Variants in HERPUD2 observed in about 807,000 individuals in gnomAD.
The protein encoded by HERPUD2 is homocysteine-responsive endoplasmic reticulum-resident ubiquitin-like domain member 2 protein.
In HERPUD2, 13 loss-of-function variants were observed where a neutral mutation model predicts 49.9. The observed-to-expected ratio is 0.26, with a 90% CI of 0.17 to 0.41. The LOEUF is 0.41. Among genes scored for constraint, HERPUD2 ranks in the 10% least tolerant of loss-of-function variants. The pLI, the probability that HERPUD2 is intolerant of heterozygous loss-of-function variation, is 1.00. For synonymous variants in HERPUD2, 172 were observed against 171.4 expected (o/e 1.00, Z -0.03); for missense variants, 449 against 492.2 (o/e 0.91, Z 0.83).
chr7:35,654,200 G>C (rs1290058409), intron 5 of HERPUD2, among the ~76,000 whole-genome samples: 1 of 149,604 alleles, frequency 6.7e-6, no homozygotes, highest in Non-Finnish European at 1.5e-5. Flanking sequence ...AATTAGTAGA[G>C]GGAAAGAAAT....
chr7:35,670,126 GT>G, intron 4 of HERPUD2, 88 bp downstream of exon 4: 1 of 556,730 alleles, frequency 1.8e-6, no homozygotes, highest in Non-Finnish European at 3.1e-6. Flanking sequence ...CAATTGTTCT[GT>G]TTTTCATTTA....
rs1786294939 is a variant in HERPUD2, at chr7:35,695,129, TG to T, written c.-627del. On this transcript the variant is annotated 5_prime_UTR_variant, in exon 1 of 9. Transcript: ENST00000311350. ...TGCGCCACCGCTGGCGCGCCGGTTT[TG>T]TTGTTATTGCGAGGATTGTCTGGGG... 1 of 152,388 alleles carries T rather than the reference TG, an allele frequency of 6.6e-6. No individual in the cohort carries two copies. The highest frequency in any genetic ancestry group is 6.5e-5 in the Admixed American group (1 of 15,288). The allele number at this position is 152,388 out of a possible 1,614,324, so 9.4% of individuals were successfully genotyped here. A position where few individuals can be genotyped will look rare whatever the true frequency, so the allele number is the denominator to read the frequency against.
intron 2 of HERPUD2, among the ~76,000 whole-genome samples, chr7:35,681,147 G>A (rs770491884): frequency 1.3e-5 from 2 of 152,130 alleles, no homozygotes; most frequent in Non-Finnish European, 2.9e-5. Flanking sequence ...TTATGATAAA[G>A]AAGCAATCAT....
intron 5 of HERPUD2, among the ~76,000 whole-genome samples, chr7:35,650,804 T>C (rs1785149578): frequency 6.6e-6 from 1 of 152,134 alleles, no homozygotes; most frequent in Admixed American, 6.5e-5. Flanking sequence ...AGTAACAGGC[T>C]GCAGTGCATC....
intron 2 of HERPUD2, among the ~76,000 whole-genome samples, chr7:35,683,718 A>G (rs1304407547): frequency 6.6e-6 from 1 of 152,200 alleles, no homozygotes; most frequent in Non-Finnish European, 1.5e-5. Flanking sequence ...ACAAATCAAC[A>G]AGAAAAAAAA....
chr7:35,649,225 T>C lies in HERPUD2; in HGVS notation c.495-10753A>G, dbSNP rs546530569. Among the ~76,000 whole-genome samples the C allele has an allele frequency of 1.9e-4, 29 of 149,280 alleles. No homozygotes were observed. The South Asian group carries it at 4.9e-3, about 25-fold the overall frequency. On this transcript the variant is annotated intron_variant, in intron 5 of 8. Transcript: ENST00000311350. ...GAGATTGCGCCACTGCACTCCAGCC[T>C]GGGCGACAGAGCGAGACTCCATCTC...
intron 5 of HERPUD2, among the ~76,000 whole-genome samples, chr7:35,665,200 T>C (rs554754268): frequency 4.5e-4 from 69 of 152,358 alleles, no homozygotes; most frequent in Non-Finnish European, 8.2e-4. Flanking sequence ...TGTTCAGCTA[T>C]GCCCTGCCCC....
intron 2 of HERPUD2, among the ~76,000 whole-genome samples, chr7:35,682,355 G>GTATATA (rs761127223): frequency 6.6e-5 from 2 of 30,376 alleles, no homozygotes; most frequent in African/African-American, 1.3e-4. Flanking sequence ...GTGTGTGTGT[G>GTATATA]TGTATATATA....
At chr7:35,636,520 GC>G (rs1213020162) in intron 6 of HERPUD2, among the ~76,000 whole-genome samples, 1 of 152,116 alleles carries the variant, frequency 6.6e-6, no homozygotes, top group African/African-American at 2.4e-5. Context: ...AGCATAATAA[GC>G]CCCCCTTATC....
At chr7:35,657,525 G>C (rs1184108540) in intron 5 of HERPUD2, among the ~76,000 whole-genome samples, 5 of 150,558 alleles carry the variant, frequency 3.3e-5, no homozygotes, top group Non-Finnish European at 7.4e-5. Context: ...GGGAGGCCGA[G>C]GTGGGAGAAT....
chr7:35,646,524 C>G (rs1240351070), intron 5 of HERPUD2, among the ~76,000 whole-genome samples: 1 of 152,068 alleles, frequency 6.6e-6, no homozygotes, highest in African/African-American at 2.4e-5. Flanking sequence ...ATGGCACCAC[C>G]ACACTCCAGC....
intron 2 of HERPUD2, among the ~76,000 whole-genome samples, chr7:35,693,455 C>A (rs1786236814): frequency 6.6e-6 from 1 of 151,806 alleles, no homozygotes; most frequent in African/African-American, 2.4e-5. Flanking sequence ...AAAAAAAAAT[C>A]TTCAATTTCT....
intron 6 of HERPUD2, among the ~76,000 whole-genome samples, chr7:35,637,869 A>G (rs1784896381): frequency 6.6e-6 from 1 of 152,226 alleles, no homozygotes; most frequent in South Asian, 2.1e-4. Flanking sequence ...AATCCATGTT[A>G]AATGAATGCA....
At chr7:35,676,259 C>T (rs75133782) in intron 2 of HERPUD2, among the ~76,000 whole-genome samples, 12,410 of 152,212 alleles carry the variant, frequency 0.082, 722 homozygotes, top group South Asian at 0.21. Flanking sequence ...TCTGATTAGG[C>T]AAACTGTATC....
At chr7:35,678,457 C>T (rs895929014) in intron 2 of HERPUD2, among the ~76,000 whole-genome samples, 7 of 152,072 alleles carry the variant, frequency 4.6e-5, no homozygotes, top group African/African-American at 1.7e-4. Context: ...TGCACCACCA[C>T]ACCCTGCTAA....
chr7:35,643,153 A>G (rs1562836), intron 5 of HERPUD2, among the ~76,000 whole-genome samples: 19,462 of 152,180 alleles, frequency 0.13, 1,511 homozygotes, highest in East Asian at 0.25. Flanking sequence ...ATAGCTCATT[A>G]ATTTTTTTAA....
intron 2 of HERPUD2, among the ~76,000 whole-genome samples, chr7:35,679,798 A>T (rs1158902541): frequency 6.6e-6 from 1 of 152,196 alleles, no homozygotes; most frequent in Non-Finnish European, 1.5e-5. Context: ...TCTACAATGC[A>T]TTTCAATTCC....
At chr7:35,649,616 A>T (rs1785122786) in intron 5 of HERPUD2, among the ~76,000 whole-genome samples, 1 of 152,206 alleles carries the variant, frequency 6.6e-6, no homozygotes, top group Non-Finnish European at 1.5e-5. Context: ...GGTTTGGTCC[A>T]GAAAGGCAGG....
chr7:35,679,526 C>A (rs1785834454), intron 2 of HERPUD2, among the ~76,000 whole-genome samples: 1 of 152,198 alleles, frequency 6.6e-6, no homozygotes, highest in East Asian at 1.9e-4. Flanking sequence ...ACAGACACCG[C>A]AGCCTTTATC....
Sources: allele counts gnomAD v4.1 joint callset (sites outside exome capture counted in the v4.1 genomes callset), GRCh38; gene constraint gnomAD v4.1.1; transcripts MANE v1.5; gene names NCBI Gene and HGNC (gene_info 2026-07-23, HGNC 2026-07-21).